The following LRRC37A2 variants were observed in gnomAD, a reference collection of about 807,000 sequenced individuals.
The protein encoded by LRRC37A2 is leucine rich repeat containing 37 member A2.
In LRRC37A2, 9 loss-of-function variants were observed where a neutral mutation model predicts 68.8. That is an observed-to-expected ratio of 0.13 (90% CI 0.08 to 0.23). The LOEUF is 0.23. Among genes scored for constraint, LRRC37A2 ranks in the 10% least tolerant of loss-of-function variants. LRRC37A2 has a pLI of 1.00. For missense variants in LRRC37A2, 168 were observed against 950.4 expected (o/e 0.18, Z 10.82); for synonymous variants, 63 against 367.6 (o/e 0.17, Z 9.48).
the LRRC37A2 span, among the ~76,000 whole-genome samples, chr17:46,854,638 A>G: frequency 1.3e-5 from 2 of 152,020 alleles, no homozygotes; most frequent in African/African-American, 4.8e-5. Context: ...AAAAAAAAAC[A>G]TAACTAGTAT....
At chr17:46,558,196 G>A (rs1310869264), downstream of LRRC37A2, among the ~76,000 whole-genome samples, 9 of 100,934 alleles carry the variant, frequency 8.9e-5, no homozygotes, top group Admixed American at 1.0e-4. Flanking sequence ...AGTAGCTGGG[G>A]TTACAGGCAT....
the LRRC37A2 span, chr17:46,704,913 C>T: frequency 1.4e-5 from 22 of 1,533,408 alleles, no homozygotes; most frequent in African/African-American, 1.1e-4. Flanking sequence ...ATAACTCAGG[C>T]GAAAAGTAAG....
the LRRC37A2 span, among the ~76,000 whole-genome samples, chr17:46,956,277 CTTTTTTTTTT>C: frequency 3.2e-4 from 20 of 62,658 alleles, no homozygotes; most frequent in African/African-American, 1.2e-3. Context: ...CTTGCCAGTC[CTTTTTTTTTT>C]TTTTTTTTTT....
At chr17:46,542,852 G>T (rs2055637683) in intron 8 of LRRC37A2, among the ~76,000 whole-genome samples, 1 of 150,572 alleles carries the variant, frequency 6.6e-6, no homozygotes, top group South Asian at 2.1e-4. Flanking sequence ...TGCTAGGGCT[G>T]GTTGAGGGCA....
downstream of LRRC37A2, among the ~76,000 whole-genome samples, chr17:46,558,553 ATTT>A (rs58227880): frequency 2.0e-5 from 2 of 100,240 alleles, no homozygotes; most frequent in African/African-American, 4.1e-5. Context: ...TGCCCGGCCA[ATTT>A]TTTTTTTTTT....
the LRRC37A2 span, chr17:46,940,926 T>C: frequency 4.6e-6 from 6 of 1,307,816 alleles, no homozygotes; most frequent in East Asian, 3.6e-5. Flanking sequence ...TGGTGAAAAA[T>C]AGACCTTGGC....
At chr17:46,781,026 C>G in the LRRC37A2 span, among the ~76,000 whole-genome samples, 1 of 151,700 alleles carries the variant, frequency 6.6e-6, no homozygotes, top group African/African-American at 2.4e-5. Context: ...GTCAGGAGTT[C>G]GAGACCAGCC....
chr17:46,988,887 G>C, the LRRC37A2 span, among the ~76,000 whole-genome samples: 1 of 152,200 alleles, frequency 6.6e-6, no homozygotes, highest in East Asian at 1.9e-4. Flanking sequence ...CCTTCAAGGA[G>C]CTCAGTCTGG....
chr17:46,857,749 A>C, the LRRC37A2 span, among the ~76,000 whole-genome samples: 1 of 152,162 alleles, frequency 6.6e-6, no homozygotes, highest in East Asian at 1.9e-4. Context: ...ATCAGTTTTA[A>C]CTTGTGGCTA....
the LRRC37A2 span, chr17:46,998,785 C>A: frequency 6.6e-6 from 1 of 152,348 alleles, no homozygotes; most frequent in Non-Finnish European, 1.5e-5. Context: ...CTTCTCAGGA[C>A]TCCAGTTGAG....
the LRRC37A2 span, among the ~76,000 whole-genome samples, chr17:46,723,945 T>C: frequency 1.3e-5 from 2 of 152,224 alleles, no homozygotes; most frequent in Non-Finnish European, 2.9e-5. Flanking sequence ...CAGTAAAATT[T>C]TAACTCATGA....
the LRRC37A2 span, among the ~76,000 whole-genome samples, chr17:46,852,391 T>TGTGC: frequency 4.8e-5 from 1 of 21,014 alleles, no homozygotes; most frequent in Non-Finnish European, 7.5e-5. Context: ...GAGGGCCCAG[T>TGTGC]GTGTGTGTGT....
the LRRC37A2 span, chr17:46,966,479 T>C: frequency 3.0e-6 from 2 of 655,912 alleles, no homozygotes; most frequent in East Asian, 5.7e-5. Context: ...TCCAGGGTAG[T>C]TGGAACTACA....
At chr17:46,691,723 A>T in the LRRC37A2 span, among the ~76,000 whole-genome samples, 3 of 151,604 alleles carry the variant, frequency 2.0e-5, no homozygotes, top group Admixed American at 2.0e-4. Flanking sequence ...TATTTAGGTT[A>T]TGTTCATTTT....
the LRRC37A2 span, among the ~76,000 whole-genome samples, chr17:46,731,643 C>T: frequency 6.6e-6 from 1 of 152,022 alleles, no homozygotes; most frequent in South Asian, 2.1e-4. Flanking sequence ...TTAAAAAGAA[C>T]ATGGAGTGAA....
chr17:46,827,297 C>T, the LRRC37A2 span, among the ~76,000 whole-genome samples: 4 of 152,204 alleles, frequency 2.6e-5, no homozygotes, highest in Non-Finnish European at 4.4e-5. Flanking sequence ...TGACATGTGC[C>T]TGAGGGAGGT....
At chr17:47,024,004 A>C in the LRRC37A2 span, among the ~76,000 whole-genome samples, 6 of 152,316 alleles carry the variant, frequency 3.9e-5, no homozygotes, top group African/African-American at 1.4e-4. Flanking sequence ...GGGCTTCTGG[A>C]AAGCTAGAAA....
At chr17:46,998,711 G>A in the LRRC37A2 span, 2 of 152,210 alleles carry the variant, frequency 1.3e-5, no homozygotes, top group African/African-American at 2.4e-5. Context: ...AGGATGCTTC[G>A]ACCTTGTTCT....
chr17:46,896,881 G>A, the LRRC37A2 span, among the ~76,000 whole-genome samples: 2 of 152,148 alleles, frequency 1.3e-5, no homozygotes, highest in African/African-American at 4.8e-5. Flanking sequence ...GGCATCTAGG[G>A]CTGGACACCC....
Sources: gnomAD v4.1 joint callset for allele counts (sites outside exome capture counted in the v4.1 genomes callset) on GRCh38, gnomAD v4.1.1 for gene constraint, MANE v1.5 for transcripts, NCBI Gene and HGNC (gene_info 2026-07-23, HGNC 2026-07-21) for gene names.